The following ARHGEF12 variants were observed in gnomAD, a reference collection of about 807,000 sequenced individuals.
ARHGEF12 encodes Rho guanine nucleotide exchange factor 12.
A neutral mutation model predicts 211.2 loss-of-function variants in ARHGEF12; 66 were observed. The observed-to-expected ratio is 0.31, with a 90% CI of 0.26 to 0.38. The LOEUF (loss-of-function observed/expected upper bound fraction) is 0.38, where lower values mean the gene tolerates loss of function less well. Among genes scored for constraint, ARHGEF12 ranks in the 10% least tolerant of loss-of-function variants. The probability of loss-of-function intolerance (pLI) is 1.00; values close to 1 mark genes in which losing one functional copy is unlikely to be tolerated. For missense variants in ARHGEF12, 1,429 were observed against 1,869.5 expected (o/e 0.76, Z 4.34); for synonymous variants, 592 against 638.4 (o/e 0.93, Z 1.09).
At chr11:120,394,795 C>T (rs972471833) in intron 1 of ARHGEF12, among the ~76,000 whole-genome samples, 16 of 151,758 alleles carry the variant, frequency 1.1e-4, no homozygotes, top group African/African-American at 2.2e-4. Context: ...CTGTGGCTCA[C>T]GCCTGTAATC....
intron 1 of ARHGEF12, among the ~76,000 whole-genome samples, chr11:120,350,221 A>T (rs898228353): frequency 2.0e-5 from 3 of 152,206 alleles, no homozygotes; most frequent in Non-Finnish European, 4.4e-5. Context: ...TGAAGATTAA[A>T]GTGAGAAGTA....
Position 120,489,776 on chromosome 11 carries a change from T to C in ARHGEF12, c.*4699T>C, listed in dbSNP as rs1483247516. 1 of 192,278 alleles carries C rather than the reference T, an allele frequency of 5.2e-6. No homozygotes were observed. The highest frequency in any genetic ancestry group is 1.1e-5 in the Non-Finnish European group (1 of 92,072). 11.9% of individuals were successfully genotyped at this position (192,278 alleles called of 1,614,324 possible). ...TACTTTGCGGAAATTAACCTGTTTG[T>C]ATGCCTGGCTTTGTTTACAAACATA... is the stretch of plus-strand genomic sequence containing the variant. On this transcript the variant is annotated 3_prime_UTR_variant, in exon 41 of 41. Coordinates refer to ENST00000397843, the MANE Select transcript of ARHGEF12 (RefSeq NM_015313.3).
chr11:120,374,013 G>T (rs1261051134), intron 1 of ARHGEF12, among the ~76,000 whole-genome samples: 1 of 152,148 alleles, frequency 6.6e-6, no homozygotes, highest in Non-Finnish European at 1.5e-5. Context: ...CTCCGTGTTA[G>T]TCAGGTTGGG....
rs1591497582 is a variant in ARHGEF12 at position 120,359,067 on chromosome 11, TG to T, written c.32+21793del. Among the ~76,000 whole-genome samples the T allele has an allele frequency of 2.0e-5, 3 of 152,010 alleles. No homozygotes were observed. The East Asian group carries it at 5.8e-4, about 29-fold the overall frequency. On this transcript the variant is annotated intron_variant, in intron 1 of 40. Coordinates refer to ENST00000397843, the MANE Select transcript of ARHGEF12 (RefSeq NM_015313.3). ...GGCAGCTGGCTTTGCCCTGAGTGAG[TG>T]ATTTTAGCCAGAGAGGGAGGTAGAA... is the stretch of plus-strand genomic sequence containing the variant.
At chr11:120,413,518 CT>C (rs1243052377) in intron 4 of ARHGEF12, among the ~76,000 whole-genome samples, 1 of 152,170 alleles carries the variant, frequency 6.6e-6, no homozygotes, top group African/African-American at 2.4e-5. Flanking sequence ...CTAATTGAAT[CT>C]TTCTTTCCTT....
At chr11:120,402,629 C>T (rs1203605786) in intron 1 of ARHGEF12, among the ~76,000 whole-genome samples, 2 of 152,098 alleles carry the variant, frequency 1.3e-5, no homozygotes, top group African/African-American at 4.8e-5. Flanking sequence ...GTCTCAAATG[C>T]TCCTTTATAA....
At chr11:120,431,111 G>A (rs988119623) in intron 10 of ARHGEF12, among the ~76,000 whole-genome samples, 2 of 152,088 alleles carry the variant, frequency 1.3e-5, no homozygotes, top group African/African-American at 4.8e-5. Flanking sequence ...CCAACATGGT[G>A]AAACTCCGAC....
At position 120,369,634 on chromosome 11, in the gene ARHGEF12, A is replaced by T. The variant is rs190598190; in HGVS notation, c.32+32359A>T. On this transcript the variant is annotated intron_variant, in intron 1 of 40. Coordinates refer to ENST00000397843, the MANE Select transcript of ARHGEF12 (RefSeq NM_015313.3). Reference sequence around the variant, plus strand: ...AAAGTAGTTTATTTTGGGGTATACAAGAATTTTTATTCTTTAAGCTAATTA... The same window carrying T: ...AAAGTAGTTTATTTTGGGGTATACATGAATTTTTATTCTTTAAGCTAATTA... Among the ~76,000 whole-genome samples the T allele has an allele frequency of 5.1e-3, 779 of 152,368 alleles. 6 individuals carry two copies. Among genetic ancestry groups the T allele is most frequent in the African/African-American group, 0.017 (725 of 41,588 alleles).
intron 22 of ARHGEF12, among the ~76,000 whole-genome samples, chr11:120,455,357 A>G (rs1405749511): frequency 2.0e-5 from 3 of 152,052 alleles, no homozygotes; most frequent in African/African-American, 4.8e-5. Context: ...CTTTCAGAGG[A>G]AAAAAAATGG....
At chr11:120,359,599 A>G (rs1943225168) in intron 1 of ARHGEF12, among the ~76,000 whole-genome samples, 1 of 152,222 alleles carries the variant, frequency 6.6e-6, no homozygotes, top group Admixed American at 6.5e-5. Flanking sequence ...ATCTGGGTAC[A>G]AATATCTAGT....
At chr11:120,446,275 G>T (rs1043744488) in intron 16 of ARHGEF12, 128 bp from the exon 17 acceptor site, 3 of 359,394 alleles carry the variant, frequency 8.3e-6, no homozygotes, top group Non-Finnish European at 1.5e-5. Flanking sequence ...TGAAATATAC[G>T]AACTGCCCTG....
intron 27 of ARHGEF12, chr11:120,462,483 T>C (rs1001862642): frequency 1.3e-5 from 2 of 152,136 alleles, no homozygotes; most frequent in Admixed American, 6.6e-5. Flanking sequence ...AGACATGACA[T>C]GAGCACATGG....
chr11:120,429,172 C>T (rs1220679709), intron 8 of ARHGEF12, among the ~76,000 whole-genome samples: 4 of 152,146 alleles, frequency 2.6e-5, no homozygotes, highest in African/African-American at 9.7e-5. Flanking sequence ...TATTCTTATA[C>T]TAAGACAACT....
Position 120,379,962 on chromosome 11 carries a change from G to T in ARHGEF12, c.33-26156G>T, listed in dbSNP as rs575602699. 3.3e-5 allele frequency among the ~76,000 whole-genome samples: 5 copies of T among 152,142 alleles called. No individual in the cohort carries two copies. In the South Asian group the frequency reaches 6.2e-4, roughly 19 times the overall value. ...CTTGTTTTGATACTGAGACAGTGTT[G>T]GCCTCAGAAAATTTTTTGGGAAGTG... is the stretch of plus-strand genomic sequence containing the variant. On this transcript the variant is annotated intron_variant, in intron 1 of 40. Transcript: ENST00000397843.
chr11:120,406,586 TCTCA>T (rs1351461267), intron 2 of ARHGEF12, among the ~76,000 whole-genome samples: 5 of 152,176 alleles, frequency 3.3e-5, no homozygotes, highest in Non-Finnish European at 5.9e-5. Flanking sequence ...TGAGATGGGA[TCTCA>T]CTCTGTTGCC....
At chr11:120,373,313 A>G (rs796869156) in intron 1 of ARHGEF12, among the ~76,000 whole-genome samples, 16 of 152,252 alleles carry the variant, frequency 1.1e-4, no homozygotes, top group African/African-American at 2.2e-4. Context: ...GTAGCTTGAC[A>G]TTTTCATTTA....
Position 120,424,425 on chromosome 11 carries a change from T to C in ARHGEF12, c.406+10T>C. On this transcript the variant is annotated intron_variant, in intron 7 of 40. Coordinates refer to ENST00000397843, the MANE Select transcript of ARHGEF12 (RefSeq NM_015313.3). ...GTGAAGCTAATCAAATGTAGGTGAATGTTATTCTTAGTTTTAATTGTTTTC... is the reference window on the plus strand; with the variant it reads ...GTGAAGCTAATCAAATGTAGGTGAACGTTATTCTTAGTTTTAATTGTTTTC... 1.2e-6 allele frequency: 2 copies of C among 1,611,986 alleles called. No homozygotes were observed. The highest frequency in any genetic ancestry group is 1.7e-5 in the Admixed American group (1 of 59,940).
At chr11:120,390,784 G>A (rs928355308) in intron 1 of ARHGEF12, among the ~76,000 whole-genome samples, 1 of 152,164 alleles carries the variant, frequency 6.6e-6, no homozygotes, top group Non-Finnish European at 1.5e-5. Context: ...AAGGGTTCTA[G>A]TTAGACTGTG....
At position 120,389,883 on chromosome 11, in the gene ARHGEF12, A is replaced by T. The variant is rs142496049; in HGVS notation, c.33-16235A>T. Among the ~76,000 whole-genome samples the T allele has an allele frequency of 1.9e-3, 285 of 152,112 alleles. 1 individual carries two copies. Among genetic ancestry groups the T allele is most frequent in the African/African-American group, 6.3e-3 (262 of 41,478 alleles). ...TCATTCTTTTTTATGGCTAAATAGT[A>T]CTCCATTGTGTATATGTACCACATT... On this transcript the variant is annotated intron_variant, in intron 1 of 40. Transcript: ENST00000397843.
Sources: allele counts gnomAD v4.1 joint callset (sites outside exome capture counted in the v4.1 genomes callset), GRCh38; gene constraint gnomAD v4.1.1; transcripts MANE v1.5; gene names NCBI Gene and HGNC (gene_info 2026-07-23, HGNC 2026-07-21).